CLIC4: variants seen among roughly 807,000 people sequenced by gnomAD.
CLIC4 encodes chloride intracellular channel protein 4.
In CLIC4, 13 loss-of-function variants were observed where a neutral mutation model predicts 24.6. The ratio of observed to expected loss-of-function variants is 0.53; its 90% CI spans 0.34 to 0.84. The LOEUF is 0.84. Ranked by LOEUF, CLIC4 falls within the 40% of genes least tolerant of loss-of-function variation. CLIC4 has a pLI of 0.01. For missense variants in CLIC4, 227 were observed against 301.7 expected (o/e 0.75, Z 1.83); for synonymous variants, 104 against 111.3 (o/e 0.93, Z 0.41).
intron 1 of CLIC4, among the ~76,000 whole-genome samples, chr1:24,767,024 T>TAAAAAAAAAAAAAAAAAAAAAAAAAAA: frequency 1.4e-5 from 1 of 71,122 alleles, no homozygotes; most frequent in Non-Finnish European, 2.5e-5. Context: ...GCTGATGAGC[T>TAAAAAAAAAAAAAAAAAAAAAAAAAAA]AAAAAAAAAA....
chr1:24,816,392 G>A (rs548711635), intron 3 of CLIC4, among the ~76,000 whole-genome samples: 79 of 151,798 alleles, frequency 5.2e-4, no homozygotes, highest in African/African-American at 1.8e-3. Flanking sequence ...GGTGCCTGCC[G>A]CCATGACCAG....
At chr1:24,768,718 A>G in intron 1 of CLIC4, among the ~76,000 whole-genome samples, 1 of 152,082 alleles carries the variant, frequency 6.6e-6, no homozygotes, top group East Asian at 1.9e-4. Context: ...CCTGGCCAAG[A>G]TGGTGAAACC....
At chr1:24,750,436 C>CTTTT (rs368673049) in intron 1 of CLIC4, among the ~76,000 whole-genome samples, 2 of 137,508 alleles carry the variant, frequency 1.5e-5, no homozygotes, top group Non-Finnish European at 1.6e-5. Context: ...TTCTTTCTTT[C>CTTTT]TTTTTTTTTT....
At chr1:24,776,942 C>T (rs1297276081) in intron 1 of CLIC4, among the ~76,000 whole-genome samples, 2 of 152,212 alleles carry the variant, frequency 1.3e-5, no homozygotes, top group Non-Finnish European at 2.9e-5. Flanking sequence ...CTGGGTTTAA[C>T]TGCCAATTAA....
At chr1:24,755,687 C>A (rs1384988871) in intron 1 of CLIC4, among the ~76,000 whole-genome samples, 1 of 148,764 alleles carries the variant, frequency 6.7e-6, no homozygotes, top group Admixed American at 6.7e-5. Flanking sequence ...TAAAATAAAA[C>A]CAAAAAACAA....
At chr1:24,783,581 T>C (rs1639231592) in intron 1 of CLIC4, among the ~76,000 whole-genome samples, 1 of 152,110 alleles carries the variant, frequency 6.6e-6, no homozygotes, top group East Asian at 1.9e-4. Flanking sequence ...TGCATGCCTG[T>C]AGTCCCAGCT....
rs1429870337 is a variant in CLIC4, at chr1:24,839,236, C to A, written c.416-624C>A. 3.7e-4 allele frequency among the ~76,000 whole-genome samples: 57 copies of A among 152,262 alleles called. 1 individual carries two copies. Among genetic ancestry groups the A allele is most frequent in the Non-Finnish European group, 7.4e-5 (5 of 68,016 alleles). Reference sequence around the variant, plus strand: ...AATTAATATGCTTGCCTTTTCTCATCCATTTTTCCAGTTTAAATGTCAAAT... The same window carrying A: ...AATTAATATGCTTGCCTTTTCTCATACATTTTTCCAGTTTAAATGTCAAAT... On this transcript the variant is annotated intron_variant, in intron 4 of 5. Coordinates refer to ENST00000374379, the MANE Select transcript of CLIC4 (RefSeq NM_013943.3).
chr1:24,836,826 G>A (rs1337220850), intron 4 of CLIC4, among the ~76,000 whole-genome samples: 2 of 152,138 alleles, frequency 1.3e-5, no homozygotes, highest in Non-Finnish European at 2.9e-5. Flanking sequence ...TGATAGGAGT[G>A]AAACCTTGTC....
At chr1:24,770,511 T>C (rs1349644545) in intron 1 of CLIC4, among the ~76,000 whole-genome samples, 1 of 152,170 alleles carries the variant, frequency 6.6e-6, no homozygotes, top group Non-Finnish European at 1.5e-5. Flanking sequence ...TTTGGCTCAC[T>C]TACCAAACTG....
chr1:24,839,975 A>G lies in CLIC4; in HGVS notation c.531A>G (p.Lys177=). 6.2e-7 allele frequency: 1 copy of G among 1,614,086 alleles called. No homozygotes were observed. The highest frequency in any genetic ancestry group is 1.7e-5 in the Admixed American group (1 of 60,022). Residue 177 remains lysine (K), a synonymous_variant, in exon 5 of 6, where the codon AAA becomes AAG. Transcript: ENST00000374379. ...AGGACATAAAGTTTTCTACACGTAA[A>G]TTTCTGGATGGCAATGAAATGACAT... ...SMEDIKFSTR[K]FLDGNEMTLA...
chr1:24,790,713 G>C (rs1639324246), intron 1 of CLIC4, among the ~76,000 whole-genome samples: 1 of 152,166 alleles, frequency 6.6e-6, no homozygotes, highest in Non-Finnish European at 1.5e-5. Flanking sequence ...CCCAGGGGCA[G>C]GGGCTTGGCA....
At chr1:24,762,219 A>T (rs972212678) in intron 1 of CLIC4, among the ~76,000 whole-genome samples, 1 of 152,012 alleles carries the variant, frequency 6.6e-6, no homozygotes, top group Non-Finnish European at 1.5e-5. Context: ...GGAGTTTTTG[A>T]CCAGTCTGGG....
intron 4 of CLIC4, among the ~76,000 whole-genome samples, chr1:24,829,599 TAGTCATTGATATTTATAATACTC>T (rs1389132716): frequency 1.1e-4 from 16 of 152,220 alleles, no homozygotes; most frequent in Non-Finnish European, 1.5e-4. Flanking sequence ...CAACTGTGAC[TAGTCATTGATATTTATAATACTC>T]AGTCATTGAT....
At position 24,782,106 on chromosome 1, in the gene CLIC4, A is replaced by G. The variant is rs183920094; in HGVS notation, c.73-15636A>G. Among the ~76,000 whole-genome samples the G allele has an allele frequency of 2.1e-3, 324 of 152,372 alleles. 1 individual carries two copies. Among genetic ancestry groups the G allele is most frequent in the Middle Eastern group, 6.8e-3 (2 of 294 alleles). ...TACTGGAAGGTGAATCATCTCTCCC[A>G]TTCAACATTTGAATGACTTCAATTC... On this transcript the variant is annotated intron_variant, in intron 1 of 5. Coordinates refer to ENST00000374379, the MANE Select transcript of CLIC4 (RefSeq NM_013943.3).
chr1:24,753,069 G>A (rs1638796805), intron 1 of CLIC4, among the ~76,000 whole-genome samples: 1 of 152,170 alleles, frequency 6.6e-6, no homozygotes, highest in South Asian at 2.1e-4. Context: ...GGATCAGGGA[G>A]TTCTGTAAAT....
intron 1 of CLIC4, among the ~76,000 whole-genome samples, chr1:24,794,305 C>T: frequency 6.6e-6 from 1 of 151,618 alleles, no homozygotes; most frequent in East Asian, 1.9e-4. Flanking sequence ...ACACTCCCAC[C>T]AGCAGCGTAT....
intron 1 of CLIC4, among the ~76,000 whole-genome samples, chr1:24,783,428 G>A (rs1054544178): frequency 3.9e-5 from 6 of 152,176 alleles, no homozygotes; most frequent in African/African-American, 9.6e-5. Context: ...GTGGCCGGTC[G>A]TGGTGGCTCA....
At position 24,792,866 on chromosome 1, in the gene CLIC4, G is replaced by A. The variant is rs554031095; in HGVS notation, c.73-4876G>A. Among the ~76,000 whole-genome samples the A allele has an allele frequency of 1.8e-4, 27 of 152,274 alleles. No homozygotes were observed. The South Asian group carries it at 4.8e-3, about 27-fold the overall frequency. Reference sequence around the variant, plus strand: ...TGACCAGGTCTTCATGAACTGTTCCGTATTCTGAGATTCTTTTGCCCATGC... The same window carrying A: ...TGACCAGGTCTTCATGAACTGTTCCATATTCTGAGATTCTTTTGCCCATGC... On this transcript the variant is annotated intron_variant, in intron 1 of 5. Transcript: ENST00000374379.
intron 1 of CLIC4, among the ~76,000 whole-genome samples, chr1:24,768,419 A>G (rs1006740326): frequency 6.6e-6 from 1 of 152,188 alleles, no homozygotes; most frequent in East Asian, 1.9e-4. Context: ...ACACATCTAC[A>G]TTTCTCTTAA....
Sources: allele counts gnomAD v4.1 joint callset (sites outside exome capture counted in the v4.1 genomes callset), GRCh38; gene constraint gnomAD v4.1.1; transcripts MANE v1.5; gene names NCBI Gene and HGNC (gene_info 2026-07-23, HGNC 2026-07-21).